DPP6: variants seen among roughly 807,000 people sequenced by gnomAD.
The protein encoded by DPP6 is A-type potassium channel modulatory protein DPP6.
DPP6 carries 69 observed loss-of-function variants against 122.6 expected under a neutral mutation model. That is an observed-to-expected ratio of 0.56 (90% CI 0.46 to 0.69). DPP6 has a LOEUF of 0.69. DPP6 is among the 30% of genes least tolerant of loss of function. DPP6 has a pLI of 0.00. For missense variants in DPP6, 928 were observed against 1,116.9 expected (o/e 0.83, Z 2.41); for synonymous variants, 418 against 433.1 (o/e 0.97, Z 0.43).
At chr7:154,506,134 G>A (rs1825643940) in intron 3 of DPP6, among the ~76,000 whole-genome samples, 1 of 152,156 alleles carries the variant, frequency 6.6e-6, no homozygotes, top group African/African-American at 2.4e-5. Flanking sequence ...GACAATGTTT[G>A]CAATCTCATT....
chr7:154,749,012 C>T lies in DPP6; in HGVS notation c.884-20405C>T, dbSNP rs555151009. ...TGAGAGAGGGTGAGGGAGGATAGGA[C>T]GGGACAGGAGAGAGAGGGATGGAGG... On this transcript the variant is annotated intron_variant, in intron 8 of 25. Transcript: ENST00000377770. Among the ~76,000 whole-genome samples the T allele has an allele frequency of 1.6e-3, 234 of 149,434 alleles. 1 individual carries two copies. Among genetic ancestry groups the T allele is most frequent in the African/African-American group, 5.4e-3 (217 of 40,482 alleles).
chr7:154,879,270 A>AC (rs67015135), intron 20 of DPP6, among the ~76,000 whole-genome samples: 1 of 91,240 alleles, frequency 1.1e-5, no homozygotes, highest in Non-Finnish European at 2.0e-5. Context: ...ACATGGTGAA[A>AC]CCCCGTCTCT....
chr7:154,737,441 A>T (rs575338429), intron 8 of DPP6, among the ~76,000 whole-genome samples: 1 of 152,330 alleles, frequency 6.6e-6, no homozygotes, highest in African/African-American at 2.4e-5. Flanking sequence ...CTATGTAAAT[A>T]GTTGATATGC....
intron 1 of DPP6, among the ~76,000 whole-genome samples, chr7:154,379,511 T>A (rs1432591709): frequency 1.3e-4 from 20 of 151,940 alleles, no homozygotes; most frequent in Admixed American, 1.3e-3. Context: ...AGTATAATAA[T>A]TTTTTAAAAA....
intron 1 of DPP6, among the ~76,000 whole-genome samples, chr7:154,060,236 T>C (rs866470735): frequency 1.4e-3 from 142 of 104,458 alleles, no homozygotes; most frequent in South Asian, 3.6e-3. Context: ...GCTCTTAGGA[T>C]CCCCATCGCT....
intron 8 of DPP6, among the ~76,000 whole-genome samples, chr7:154,734,251 G>A (rs1022670344): frequency 3.3e-5 from 5 of 152,238 alleles, no homozygotes; most frequent in African/African-American, 1.2e-4. Context: ...TGGGACTGCA[G>A]GAACCTGCCA....
chr7:154,723,118 G>C (rs1183350617), intron 7 of DPP6, among the ~76,000 whole-genome samples: 1 of 152,096 alleles, frequency 6.6e-6, no homozygotes, highest in Non-Finnish European at 1.5e-5. Flanking sequence ...AATTAGCCAG[G>C]AGTGGTGGCT....
intron 1 of DPP6, among the ~76,000 whole-genome samples, chr7:154,263,495 G>A (rs1447387885): frequency 6.6e-6 from 1 of 152,156 alleles, no homozygotes; most frequent in Admixed American, 6.5e-5. Context: ...ATATTGGATG[G>A]AAGGAAATTG....
intron 7 of DPP6, among the ~76,000 whole-genome samples, chr7:154,689,760 AAAC>A (rs1839833637): frequency 6.6e-6 from 1 of 152,228 alleles, no homozygotes; most frequent in South Asian, 2.1e-4. Context: ...GGAAATTTAA[AAAC>A]AATTATATCA....
chr7:154,495,070 A>G (rs1012467726), intron 3 of DPP6, among the ~76,000 whole-genome samples: 2 of 152,238 alleles, frequency 1.3e-5, no homozygotes, highest in Non-Finnish European at 2.9e-5. Context: ...GGCGTCTGGT[A>G]TGAGGAGGGA....
intron 1 of DPP6, among the ~76,000 whole-genome samples, chr7:154,163,018 T>C (rs528294888): frequency 6.6e-6 from 1 of 152,048 alleles, no homozygotes; most frequent in South Asian, 2.1e-4. Flanking sequence ...GGAATCTGCA[T>C]TGCTAGCATT....
At position 154,545,454 on chromosome 7, in the gene DPP6, T is replaced by TCCTC. The variant is rs201544578; in HGVS notation, c.552+4844_552+4847dup. ...CTCCCTCCTTTTCTTCATCCTTCAC[T>TCCTC]CCTCCCTCCCTCCCTCCCTTCCTTC... On this transcript the variant is annotated intron_variant, in intron 4 of 25. Transcript: ENST00000377770. 6.1e-3 allele frequency among the ~76,000 whole-genome samples: 889 copies of TCCTC among 146,204 alleles called. 2 individuals are homozygous for TCCTC. The highest frequency in any genetic ancestry group is 8.4e-3 in the Admixed American group (122 of 14,520).
intron 1 of DPP6, among the ~76,000 whole-genome samples, chr7:154,064,268 C>A (rs1802526205): frequency 6.6e-6 from 1 of 152,166 alleles, no homozygotes; most frequent in African/African-American, 2.4e-5. Context: ...GCCCGTCCTG[C>A]CATCTGACCA....
At chr7:154,299,450 ACT>A (rs1266675711) in intron 1 of DPP6, among the ~76,000 whole-genome samples, 1 of 152,194 alleles carries the variant, frequency 6.6e-6, no homozygotes, top group Non-Finnish European at 1.5e-5. Flanking sequence ...AGGCCAGAAA[ACT>A]CATCCACAGT....
intron 1 of DPP6, among the ~76,000 whole-genome samples, chr7:154,334,166 G>A (rs1002763731): frequency 3.5e-5 from 5 of 144,296 alleles, no homozygotes; most frequent in East Asian, 2.1e-4. Flanking sequence ...TTTGTTATTC[G>A]TTTAAAAACA....
At chr7:154,764,989 C>T (rs964056643) in intron 8 of DPP6, among the ~76,000 whole-genome samples, 3 of 152,166 alleles carry the variant, frequency 2.0e-5, no homozygotes, top group Non-Finnish European at 2.9e-5. Flanking sequence ...AACCCAGACA[C>T]CTCCCACTAG....
chr7:154,772,053 G>T (rs1219526754), intron 9 of DPP6, among the ~76,000 whole-genome samples: 1 of 152,124 alleles, frequency 6.6e-6, no homozygotes, highest in African/African-American at 2.4e-5. Context: ...ATCCAGTAGG[G>T]TGCCCTTGAT....
At chr7:154,413,837 A>G (rs752631608) in intron 1 of DPP6, among the ~76,000 whole-genome samples, 1 of 152,206 alleles carries the variant, frequency 6.6e-6, no homozygotes, top group Non-Finnish European at 1.5e-5. Context: ...CCAATAATGA[A>G]TGATAATGAG....
At chr7:154,211,704 T>C (rs4302766) in intron 1 of DPP6, among the ~76,000 whole-genome samples, 120,805 of 152,070 alleles carry the variant, frequency 0.79, 48,201 homozygotes, top group Middle Eastern at 0.84. Flanking sequence ...CTGCGGAAAC[T>C]GTTTACTCAG....
Sources: allele counts gnomAD v4.1 joint callset (sites outside exome capture counted in the v4.1 genomes callset), GRCh38; gene constraint gnomAD v4.1.1; transcripts MANE v1.5; gene names NCBI Gene and HGNC (gene_info 2026-07-23, HGNC 2026-07-21).